The following RALYL variants were observed in gnomAD, a reference collection of about 807,000 sequenced individuals.
The protein encoded by RALYL is RALY RNA binding protein like.
In RALYL, 29 loss-of-function variants were observed where a neutral mutation model predicts 35.1. That is an observed-to-expected ratio of 0.83 (90% CI 0.61 to 1.13). The LOEUF (loss-of-function observed/expected upper bound fraction) is 1.13, where lower values mean the gene tolerates loss of function less well. RALYL is among the 50% of genes most tolerant of loss of function. The pLI, the probability that RALYL is intolerant of heterozygous loss-of-function variation, is 0.00. For missense variants in RALYL, 359 were observed against 360.4 expected (o/e 1.00, Z 0.03); for synonymous variants, 120 against 127.6 (o/e 0.94, Z 0.40).
intron 8 of RALYL, among the ~76,000 whole-genome samples, chr8:84,894,869 T>C (rs1269272780): frequency 6.6e-6 from 1 of 152,182 alleles, no homozygotes; most frequent in Non-Finnish European, 1.5e-5. Flanking sequence ...GTTGGATGGC[T>C]TAACTGTTAG....
At chr8:84,702,438 A>G (rs191996985) in intron 2 of RALYL, among the ~76,000 whole-genome samples, 8 of 152,088 alleles carry the variant, frequency 5.3e-5, no homozygotes, top group African/African-American at 1.9e-4. Context: ...AAGTTTCCCC[A>G]TTTTCAAAAT....
At chr8:84,375,365 T>C (rs1856710549) in intron 1 of RALYL, among the ~76,000 whole-genome samples, 1 of 151,862 alleles carries the variant, frequency 6.6e-6, no homozygotes, top group Admixed American at 6.6e-5. Context: ...TTCTTTATTA[T>C]TCTGAGCTTC....
At chr8:84,537,491 A>C (rs1048421393) in intron 2 of RALYL, among the ~76,000 whole-genome samples, 9 of 151,334 alleles carry the variant, frequency 5.9e-5, no homozygotes, top group African/African-American at 2.2e-4. Context: ...AAAAAAAAAA[A>C]GTCTGTTCAC....
At chr8:84,844,637 A>G (rs1435818261) in intron 4 of RALYL, among the ~76,000 whole-genome samples, 1 of 152,218 alleles carries the variant, frequency 6.6e-6, no homozygotes, top group East Asian at 1.9e-4. Context: ...CCAAAGGACT[A>G]TAAATCATGC....
chr8:84,645,894 GGAGACCCT>G, intron 2 of RALYL, among the ~76,000 whole-genome samples: 1 of 151,976 alleles, frequency 6.6e-6, no homozygotes, highest in South Asian at 2.1e-4. Context: ...TTCATTTCCT[GGAGACCCT>G]GAGGATACTT....
chr8:84,522,098 ATT>A (rs1177305754), intron 1 of RALYL, among the ~76,000 whole-genome samples: 1 of 152,136 alleles, frequency 6.6e-6, no homozygotes, highest in African/African-American at 2.4e-5. Context: ...TCTAGATTCC[ATT>A]TAGTGGTATT....
At chr8:84,713,825 T>C (rs1191476300) in intron 2 of RALYL, among the ~76,000 whole-genome samples, 1 of 148,518 alleles carries the variant, frequency 6.7e-6, no homozygotes. Flanking sequence ...AAGATTGGAA[T>C]CAACATAAAT....
At chr8:84,484,520 GGGT>G (rs1408969487) in intron 1 of RALYL, among the ~76,000 whole-genome samples, 1 of 152,096 alleles carries the variant, frequency 6.6e-6, no homozygotes, top group Non-Finnish European at 1.5e-5. Flanking sequence ...TGAAATGTCA[GGGT>G]GTGTGCTGGG....
At chr8:84,428,424 C>T (rs553227686) in intron 1 of RALYL, among the ~76,000 whole-genome samples, 21 of 152,100 alleles carry the variant, frequency 1.4e-4, no homozygotes, top group South Asian at 1.0e-3. Context: ...TTCAGATGTA[C>T]GATTTAGATC....
chr8:84,223,111 TC>T (rs1822732959), intron 1 of RALYL, among the ~76,000 whole-genome samples: 1 of 134,402 alleles, frequency 7.4e-6, no homozygotes, highest in South Asian at 2.7e-4. Flanking sequence ...TCCTTTCCTT[TC>T]CTTTCCTTTC....
Position 84,574,346 on chromosome 8 carries a change from G to A in RALYL, c.256+44769G>A, listed in dbSNP as rs560240589. ...AGCTCCCACAGTTGTTCTTTGGCTG[G>A]CCTTCTGAAGTTTTTCCATATATAT... On this transcript the variant is annotated intron_variant, in intron 2 of 8. Coordinates refer to ENST00000521268, the MANE Select transcript of RALYL (RefSeq NM_173848.7). Among the ~76,000 whole-genome samples the A allele has an allele frequency of 4.6e-5, 7 of 152,038 alleles. No individual in the cohort carries two copies. In the South Asian group the frequency reaches 8.3e-4, roughly 18 times the overall value.
At chr8:84,476,207 A>G (rs565870751) in intron 1 of RALYL, among the ~76,000 whole-genome samples, 4 of 152,316 alleles carry the variant, frequency 2.6e-5, no homozygotes, top group African/African-American at 9.6e-5. Flanking sequence ...GCCAGATTCT[A>G]TGCTAATTTC....
chr8:84,822,339 C>A (rs1436296247), intron 4 of RALYL, among the ~76,000 whole-genome samples: 1 of 152,102 alleles, frequency 6.6e-6, no homozygotes, highest in Non-Finnish European at 1.5e-5. Flanking sequence ...TAAGGGATTG[C>A]CCAATAAATC....
At chr8:84,184,618 C>T (rs998785916) in intron 1 of RALYL, among the ~76,000 whole-genome samples, 194 bp downstream of exon 1, 9 of 152,216 alleles carry the variant, frequency 5.9e-5, no homozygotes, top group African/African-American at 1.9e-4. Context: ...GCTTCAGGAT[C>T]GTTTTCTAGA....
At chr8:84,531,955 T>A (rs1176224827) in intron 2 of RALYL, among the ~76,000 whole-genome samples, 1 of 152,094 alleles carries the variant, frequency 6.6e-6, no homozygotes, top group East Asian at 1.9e-4. Context: ...AAATTGTACC[T>A]CTTCTAAGAT....
intron 1 of RALYL, among the ~76,000 whole-genome samples, chr8:84,263,487 A>C (rs1832688039): frequency 6.6e-6 from 1 of 152,238 alleles, no homozygotes; most frequent in South Asian, 2.1e-4. Context: ...GTAAAAATGC[A>C]AATTCCCTCA....
At chr8:84,352,927 C>T (rs1162980569) in intron 1 of RALYL, among the ~76,000 whole-genome samples, 1 of 149,904 alleles carries the variant, frequency 6.7e-6, no homozygotes, top group African/African-American at 2.5e-5. Flanking sequence ...TAAGAAAATA[C>T]TGTATTTGAA....
chr8:84,913,040 G>GGAGATAGATAGA (rs1563856643), intron 8 of RALYL, among the ~76,000 whole-genome samples: 1 of 130,060 alleles, frequency 7.7e-6, no homozygotes, highest in African/African-American at 3.2e-5. Context: ...GGATAGGTAG[G>GGAGATAGATAGA]TAGATAGATA....
chr8:84,669,238 C>T (rs763746319), intron 2 of RALYL, among the ~76,000 whole-genome samples: 3 of 152,134 alleles, frequency 2.0e-5, no homozygotes, highest in Non-Finnish European at 4.4e-5. Flanking sequence ...CAAAGTAATT[C>T]GGCAGTCATC....
Sources: allele counts gnomAD v4.1 joint callset (sites outside exome capture counted in the v4.1 genomes callset), GRCh38; gene constraint gnomAD v4.1.1; transcripts MANE v1.5; gene names NCBI Gene and HGNC (gene_info 2026-07-23, HGNC 2026-07-21).